PLCD3: variants seen among roughly 807,000 people sequenced by gnomAD.
PLCD3 encodes the protein phospholipase C delta 3, also known as 1-phosphatidylinositol 4,5-bisphosphate phosphodiesterase delta-3.
A neutral mutation model predicts 82.8 loss-of-function variants in PLCD3; 62 were observed. That is an observed-to-expected ratio of 0.75 (90% CI 0.61 to 0.93). The LOEUF (loss-of-function observed/expected upper bound fraction) is 0.93. Ranked by LOEUF, PLCD3 falls within the 40% of genes least tolerant of loss-of-function variation. PLCD3 has a pLI of 0.00. For missense variants in PLCD3, 1,023 were observed against 1,103.4 expected, an observed-to-expected ratio of 0.93 and a Z score of 1.03; for synonymous variants, 478 against 471.8, an observed-to-expected ratio of 1.01 and a Z score of -0.17.
intron 1 of PLCD3, among the ~76,000 whole-genome samples, chr17:45,122,040 A>G (rs1480795685): frequency 2.0e-5 from 3 of 152,238 alleles, no homozygotes; most frequent in Admixed American, 2.0e-4. Flanking sequence ...TTTGCCACCA[A>G]CAGCCTTTTT....
Position 45,121,314 on chromosome 17 carries a change from G to T in PLCD3, c.222C>A (p.Ile74=). The change falls in exon 2 of 15, where the codon ATC becomes ATA. Residue 74 remains isoleucine (I), a synonymous_variant. Transcript: ENST00000619929. The part of the protein sequence containing the change: ...AMLRGSRLRK[I]RSRTWHKERL... Reference sequence around the variant, plus strand: ...GCTCCTTGTGCCACGTGCGCGAGCGGATCTTGCGGAGCCGGGAGCCCCGCA... The same window carrying T: ...GCTCCTTGTGCCACGTGCGCGAGCGTATCTTGCGGAGCCGGGAGCCCCGCA... 6.4e-7 allele frequency: 1 copy of T among 1,567,044 alleles called. No homozygotes were observed. The highest frequency in any genetic ancestry group is 8.6e-7 in the Non-Finnish European group (1 of 1,165,324).
intron 1 of PLCD3, among the ~76,000 whole-genome samples, chr17:45,130,932 C>A (rs1392720607): frequency 6.6e-6 from 1 of 152,086 alleles, no homozygotes; most frequent in Non-Finnish European, 1.5e-5. Context: ...GTTCCCCCAC[C>A]CCCAAGGTCC....
Position 45,115,227 on chromosome 17 carries a change from C to A in PLCD3, c.1578G>T (p.Pro526=). 6.4e-7 allele frequency: 1 copy of A among 1,567,406 alleles called. No individual in the cohort carries two copies. Among genetic ancestry groups the A allele is most frequent in the Non-Finnish European group, 8.7e-7 (1 of 1,154,244 alleles). Residue 526 remains proline, a synonymous_variant, in exon 10 of 15, where the codon CCG becomes CCT. Transcript: ENST00000619929. ...AQRRLAKQIS[P]ELSALAVYCH... The stretch of plus-strand genomic sequence containing the variant: ...AGTACACAGCCAGGGCCGACAGCTC[C>A]GGGGAGATCTGCTTGGCCTAGGAGA...
chr17:45,113,045 G>A, intron 13 of PLCD3, 33 bp from the exon 14 acceptor site: 1 of 1,601,882 alleles, frequency 6.2e-7, no homozygotes, highest in Non-Finnish European at 8.5e-7. Context: ...AGAGCCCAGG[G>A]GCCCCAGGAC....
rs772588454 is a variant in PLCD3 at position 45,118,923 on chromosome 17, C to T, written c.805G>A (p.Val269Met). The T allele has an allele frequency of 3.7e-6, 6 of 1,612,510 alleles. No homozygotes were observed. Among genetic ancestry groups the T allele is most frequent in the East Asian group, 2.2e-5 (1 of 44,882 alleles). Residue 269 changes from valine (V) to methionine (M), a missense_variant, in exon 5 of 15, where the codon GTG (valine) becomes ATG (methionine). Coordinates refer to ENST00000619929, the MANE Select transcript of PLCD3 (RefSeq NM_133373.5). The surrounding 1 kb of genome is among the most constrained non-coding windows in gnomAD (Gnocchi z 4.1). Reference protein sequence around the residue: ...IFHQYSGEDRVLSAPELLEFL... With the variant: ...IFHQYSGEDRMLSAPELLEFL... ...TCCAGCAGCTCAGGGGCACTCAGCA[C>T]GCGGTCCTCGCCCGAGTACTGATGG...
At chr17:45,121,419 G>A in intron 1 of PLCD3, 47 bp from the exon 2 acceptor site, 1 of 1,450,290 alleles carries the variant, frequency 6.9e-7, no homozygotes, top group Non-Finnish European at 9.0e-7. Flanking sequence ...CCTGCCCAGA[G>A]GCTCCCCTGC....
chr17:45,116,898 C>G, intron 7 of PLCD3, 114 bp from the exon 8 acceptor site: 2 of 1,324,388 alleles, frequency 1.5e-6, no homozygotes, highest in South Asian at 1.7e-5. Context: ...CTCTGGAGAA[C>G]CCAGGGAAGC....
chr17:45,120,912 G>A lies in PLCD3; in HGVS notation c.544C>T (p.Arg182Trp). ...GCCCCGGCAGGATATTGGTCTAGCCGCTCGCGCTGGCTCATGGCGTCCAGG... is the reference window on the plus strand; with the variant it reads ...GCCCCGGCAGGATATTGGTCTAGCCACTCGCGCTGGCTCATGGCGTCCAGG... ...ARLDAMSQRE[R>W]LDHWIHSYLH... The change falls in exon 3 of 15, where the codon CGG (arginine) becomes TGG (tryptophan). Residue 182 changes from arginine (R) to tryptophan (W), a missense_variant. Coordinates refer to ENST00000619929, the MANE Select transcript of PLCD3 (RefSeq NM_133373.5). The A allele has an allele frequency of 3.5e-6, 5 of 1,438,424 alleles. No individual in the cohort carries two copies. The highest frequency in any genetic ancestry group is 4.5e-6 in the Non-Finnish European group (5 of 1,102,230). 89.1% of individuals were successfully genotyped at this position (1,438,424 alleles called of 1,614,324 possible). A position where few individuals can be genotyped will look rare whatever the true frequency, so the allele number is the denominator to read the frequency against.
At position 45,111,523 on chromosome 17, in the gene PLCD3, C is replaced by G. The variant is rs72832859; in HGVS notation, c.*1093G>C. 0.13 allele frequency: 19,818 copies of G among 152,098 alleles called. 1,673 individuals carry two copies. Among genetic ancestry groups the G allele is most frequent in the Non-Finnish European group, 0.18 (12,271 of 68,000 alleles). 9.4% of individuals were successfully genotyped at this position (152,098 alleles called of 1,614,324 possible). A position where few individuals can be genotyped will look rare whatever the true frequency, so the allele number is the denominator to read the frequency against. ...GAGCTGTGGCATCTCCTGCTGCCAC[C>G]CCCTGGCTGTCTTAGCCAAGTCCAT... On this transcript the variant is annotated 3_prime_UTR_variant, in exon 15 of 15. Coordinates refer to ENST00000619929, the MANE Select transcript of PLCD3 (RefSeq NM_133373.5).
chr17:45,118,322 C>G lies in PLCD3; in HGVS notation c.1084G>C (p.Gly362Arg). 6.2e-7 allele frequency: 1 copy of G among 1,614,014 alleles called. No individual in the cohort carries two copies. The highest frequency in any genetic ancestry group is 8.5e-7 in the Non-Finnish European group (1 of 1,179,896). ...HNTYLTDSQI[G>R]GPSSTEAYVR... Reference sequence around the variant, plus strand: ...TAGGCCTCGGTGCTGCTGGGCCCCCCGATCTGGGAGTCAGTCAGATAGGTG... The same window carrying G: ...TAGGCCTCGGTGCTGCTGGGCCCCCGGATCTGGGAGTCAGTCAGATAGGTG... The change falls in exon 6 of 15, where the codon GGG (glycine) becomes CGG (arginine). Residue 362 changes from glycine (G) to arginine (R), a missense_variant. Around this residue, in one of 3 missense-constraint regions of PLCD3, gnomAD observed 553 missense variants for 655.7 expected, o/e 0.84. Coordinates refer to ENST00000619929, the MANE Select transcript of PLCD3 (RefSeq NM_133373.5). The surrounding 1 kb of genome is among the most constrained non-coding windows in gnomAD (Gnocchi z 4.1).
Position 45,112,071 on chromosome 17 carries a change from C to G in PLCD3, c.*545G>C, listed in dbSNP as rs2054247218. ...AAAACCAAAACCTACTGCCAGTTTC[C>G]CCAGGGCTTCATGCCTCAGCGCTCC... On this transcript the variant is annotated 3_prime_UTR_variant, in exon 15 of 15. Transcript: ENST00000619929. The G allele has an allele frequency of 1.3e-5, 2 of 154,142 alleles. No individual in the cohort carries two copies. Among genetic ancestry groups the G allele is most frequent in the Non-Finnish European group, 2.9e-5 (2 of 69,490 alleles). The allele number at this position is 154,142 out of a possible 1,614,324, so 9.5% of individuals were successfully genotyped here. A position where few individuals can be genotyped will look rare whatever the true frequency, so the allele number is the denominator to read the frequency against.
In PLCD3 at chr17:45,111,082, C is replaced by G. The variant is rs1417560228; in HGVS notation, c.*1534G>C. ...CTGTTGGCTGGCAGAACCTAAAACACCAGGCCTCCACATTTCACCCTGCTG... is the reference window on the plus strand; with the variant it reads ...CTGTTGGCTGGCAGAACCTAAAACAGCAGGCCTCCACATTTCACCCTGCTG... On this transcript the variant is annotated 3_prime_UTR_variant, in exon 15 of 15. Coordinates refer to ENST00000619929, the MANE Select transcript of PLCD3 (RefSeq NM_133373.5). The G allele has an allele frequency of 6.6e-6, 1 of 152,262 alleles. No homozygotes were observed. The highest frequency in any genetic ancestry group is 1.5e-5 in the Non-Finnish European group (1 of 68,076). The allele number at this position is 152,262 out of a possible 1,614,324, so 9.4% of individuals were successfully genotyped here. A position where few individuals can be genotyped will look rare whatever the true frequency, so the allele number is the denominator to read the frequency against.
intron 1 of PLCD3, among the ~76,000 whole-genome samples, chr17:45,130,934 C>T (rs577415919): frequency 1.6e-4 from 25 of 152,210 alleles, no homozygotes; most frequent in Non-Finnish European, 3.1e-4. Context: ...TCCCCCACCC[C>T]CAAGGTCCTG....
chr17:45,117,504 T>A (rs1404147273), intron 7 of PLCD3, among the ~76,000 whole-genome samples: 1 of 152,144 alleles, frequency 6.6e-6, no homozygotes, highest in Non-Finnish European at 1.5e-5. Flanking sequence ...CCTCCCAGAG[T>A]GCTGGGAATA....
chr17:45,114,173 G>C, intron 11 of PLCD3, 77 bp downstream of exon 11: 1 of 1,083,172 alleles, frequency 9.2e-7, no homozygotes, highest in Non-Finnish European at 1.3e-6. Context: ...CTGGAAGGCT[G>C]TGTGGGCCCC....
chr17:45,117,920 C>A, intron 7 of PLCD3, 74 bp downstream of exon 7: 1 of 1,562,504 alleles, frequency 6.4e-7, no homozygotes, highest in Non-Finnish European at 8.7e-7. Flanking sequence ...GGACGGAGGG[C>A]AGCTGGCATG....
chr17:45,121,665 G>A (rs1343065925), intron 1 of PLCD3, among the ~76,000 whole-genome samples: 2 of 152,162 alleles, frequency 1.3e-5, no homozygotes, highest in Non-Finnish European at 2.9e-5. Context: ...AACTGCCCTC[G>A]GACAATGCCT....
At chr17:45,129,964 T>C (rs2054407525) in intron 1 of PLCD3, among the ~76,000 whole-genome samples, 1 of 152,128 alleles carries the variant, frequency 6.6e-6, no homozygotes, top group African/African-American at 2.4e-5. Context: ...AGGGGTGTGG[T>C]GATGGCAGGG....
intron 7 of PLCD3, among the ~76,000 whole-genome samples, chr17:45,117,774 C>G (rs1354154180): frequency 6.6e-6 from 1 of 152,176 alleles, no homozygotes; most frequent in Non-Finnish European, 1.5e-5. Flanking sequence ...TAGGACATTT[C>G]CCAAATATGA....
Sources: allele counts gnomAD v4.1 joint callset (sites outside exome capture counted in the v4.1 genomes callset), GRCh38; gene constraint gnomAD v4.1.1; regional missense constraint gnomAD v4.1.1; non-coding constraint Gnocchi (gnomAD v3.1); transcripts MANE v1.5; gene names NCBI Gene and HGNC (gene_info 2026-07-23, HGNC 2026-07-21).